The following WLS variants were observed in gnomAD, a reference collection of about 807,000 sequenced individuals.
The protein encoded by WLS is Wnt ligand secretion mediator, also known as protein wntless homolog.
In WLS, 23 loss-of-function variants were observed where a neutral mutation model predicts 62.8. That is an observed-to-expected ratio of 0.37 (90% confidence interval 0.26 to 0.52). The LOEUF (loss-of-function observed/expected upper bound fraction) is 0.52, where lower values mean the gene tolerates loss of function less well. WLS is among the 20% of genes least tolerant of loss of function. The pLI, the probability that WLS is intolerant of heterozygous loss-of-function variation, is 0.92. For missense variants in WLS, 615 were observed against 697.3 expected (o/e 0.88, Z 1.33); for synonymous variants, 246 against 244.1 (o/e 1.01, Z -0.07).
chr1:68,154,289 G>A (rs1416776600), intron 4 of WLS, among the ~76,000 whole-genome samples: 1 of 152,100 alleles, frequency 6.6e-6, no homozygotes, highest in Non-Finnish European at 1.5e-5. Flanking sequence ...TTTTCCCTAT[G>A]CTAAGATTAC....
chr1:68,159,305 AGCTC>A, intron 2 of WLS, 58 bp from the exon 3 acceptor site: 2 of 1,580,634 alleles, frequency 1.3e-6, no homozygotes, highest in Admixed American at 1.9e-5. Context: ...TTTTAGAAAC[AGCTC>A]AAAAAATTCT....
At chr1:68,167,929 A>G (rs1647084839) in intron 2 of WLS, among the ~76,000 whole-genome samples, 5 of 151,602 alleles carry the variant, frequency 3.3e-5, no homozygotes, top group Admixed American at 3.3e-4. Context: ...GGTTACAGAC[A>G]GAAAGATCCA....
At chr1:68,183,428 G>A (rs1647709569) in intron 2 of WLS, 1 of 355,750 alleles carries the variant, frequency 2.8e-6, no homozygotes, top group Non-Finnish European at 6.0e-6. Context: ...CATCATAGCA[G>A]GGATAGTTCT....
At chr1:68,139,347 AT>A (rs1191199779) in intron 10 of WLS, among the ~76,000 whole-genome samples, 7 of 152,196 alleles carry the variant, frequency 4.6e-5, no homozygotes, top group African/African-American at 1.7e-4. Context: ...TAAGTGCAGA[AT>A]ATACTAACTT....
chr1:68,127,206 A>AAAAT, intron 11 of WLS: 1 of 235,292 alleles, frequency 4.3e-6, no homozygotes, highest in Admixed American at 5.4e-5. Flanking sequence ...AAAAAATAAA[A>AAAAT]AAATAAACTA....
chr1:68,231,445 A>G (rs1571051088), intron 1 of WLS: 1 of 236,368 alleles, frequency 4.2e-6, no homozygotes, highest in South Asian at 4.6e-5. Flanking sequence ...GGGAAGGGAT[A>G]TTCACGAGTG....
In WLS at chr1:68,103,501, CTCT is replaced by C. The variant is rs553678078; in HGVS notation, c.1511-4751_1511-4749del. ...AGAAAGACAAAATTATGCAGTTCTT[CTCT>C]TCTTATGGATTCAAGTGGTCAGAGC... On this transcript the variant is annotated intron_variant, in intron 11 of 11. Transcript: ENST00000354777. Among the ~76,000 whole-genome samples the C allele has an allele frequency of 1.2e-4, 19 of 152,300 alleles. No homozygotes were observed. In the East Asian group the frequency reaches 2.9e-3, roughly 23 times the overall value.
At chr1:68,229,961 C>T (rs542169551) in intron 1 of WLS, among the ~76,000 whole-genome samples, 55 of 152,268 alleles carry the variant, frequency 3.6e-4, no homozygotes, top group Non-Finnish European at 6.3e-4. Flanking sequence ...TTGAGGTTGT[C>T]GTCATTAACC....
intron 11 of WLS, among the ~76,000 whole-genome samples, chr1:68,113,499 T>C (rs1310092560): frequency 6.6e-6 from 1 of 152,206 alleles, no homozygotes; most frequent in Non-Finnish European, 1.5e-5. Context: ...TCTGCCCTTA[T>C]GAGCCTCCAC....
chr1:68,170,852 G>A (rs1486516879), intron 2 of WLS, among the ~76,000 whole-genome samples: 1 of 152,074 alleles, frequency 6.6e-6, no homozygotes, highest in Non-Finnish European at 1.5e-5. Flanking sequence ...CTAAAAGCCA[G>A]GGACTGACTC....
chr1:68,119,061 C>G (rs1646332977), intron 11 of WLS, among the ~76,000 whole-genome samples: 1 of 151,900 alleles, frequency 6.6e-6, no homozygotes, highest in Non-Finnish European at 1.5e-5. Context: ...TTGTAATAGT[C>G]AAACTTTGCA....
intron 11 of WLS, among the ~76,000 whole-genome samples, chr1:68,104,456 C>T (rs2100300102): frequency 6.6e-6 from 1 of 152,262 alleles, no homozygotes; most frequent in Admixed American, 6.5e-5. Context: ...TTGAGCTCTA[C>T]AATCAGTGAA....
chr1:68,169,502 C>T lies in WLS; in HGVS notation c.380-10255G>A, dbSNP rs561892852. On this transcript the variant is annotated intron_variant, in intron 2 of 11. Coordinates refer to ENST00000262348, the MANE Select transcript of WLS (RefSeq NM_024911.7). ...ATCTGCTCCTGGGATGCAAGTCACCCTCTCCAGTCCAGATTTCCCTCTTGA... is the reference window on the plus strand; with the variant it reads ...ATCTGCTCCTGGGATGCAAGTCACCTTCTCCAGTCCAGATTTCCCTCTTGA... 2.0e-5 allele frequency among the ~76,000 whole-genome samples: 3 copies of T among 152,306 alleles called. No homozygotes were observed. The East Asian group carries it at 5.8e-4, about 29-fold the overall frequency.
chr1:68,213,451 CAA>C (rs900446226), intron 1 of WLS, among the ~76,000 whole-genome samples: 9 of 51,170 alleles, frequency 1.8e-4, no homozygotes, highest in Non-Finnish European at 2.4e-4. Flanking sequence ...AACTTCATTC[CAA>C]AAAAAAAAAA....
chr1:68,210,794 T>A (rs1432460332), intron 1 of WLS, among the ~76,000 whole-genome samples: 1 of 152,224 alleles, frequency 6.6e-6, no homozygotes, highest in Non-Finnish European at 1.5e-5. Context: ...GAAGAAAATG[T>A]TGTTTAGGTG....
intron 11 of WLS, among the ~76,000 whole-genome samples, chr1:68,129,903 C>T (rs979288872): frequency 2.0e-5 from 3 of 152,196 alleles, no homozygotes; most frequent in African/African-American, 7.2e-5. Flanking sequence ...CTTTAGTTTG[C>T]AGTAAATTTC....
In WLS at chr1:68,103,078, G is replaced by A. The variant is rs933729489; in HGVS notation, c.1511-4325C>T. Among the ~76,000 whole-genome samples, 5 of 152,146 alleles carry A rather than the reference G, an allele frequency of 3.3e-5. No homozygotes were observed. The East Asian group carries it at 9.6e-4, about 29-fold the overall frequency. On this transcript the variant is annotated intron_variant, in intron 11 of 11. Coordinates refer to the WLS transcript ENST00000354777. ...TGGACCGGAACCTGCACGTAGGTCT[G>A]CTGCCTCCCTGCCTAGCGCTCTTTC...
intron 1 of WLS, among the ~76,000 whole-genome samples, chr1:68,223,252 GTTC>G (rs1484151410): frequency 1.3e-5 from 2 of 152,168 alleles, no homozygotes; most frequent in Non-Finnish European, 2.9e-5. Context: ...TTGGACTTGT[GTTC>G]TTATTTGTTA....
Position 68,194,068 on chromosome 1 carries a change from T to A in WLS, c.266A>T (p.Asp89Val). 6.2e-7 allele frequency: 1 copy of A among 1,614,180 alleles called. No individual in the cohort carries two copies. The highest frequency in any genetic ancestry group is 8.5e-7 in the Non-Finnish European group (1 of 1,180,028). The change falls in exon 2 of 12, where the codon GAC (aspartate) becomes GTC (valine). Residue 89 changes from aspartate to valine, a missense_variant. Physicochemically the swap from Asp to Val is radical, Grantham distance 152. Transcript: ENST00000262348. ...EAIPREIEAN[D>V]IVFSVHIPLP... The stretch of plus-strand genomic sequence containing the variant: ...GGGAATGTGAACAGAAAACACGATG[T>A]CATTGGCTTCAATTTCCCTTGGAAT...
Sources: allele counts gnomAD v4.1 joint callset (sites outside exome capture counted in the v4.1 genomes callset), GRCh38; gene constraint gnomAD v4.1.1; transcripts MANE v1.5; gene names NCBI Gene and HGNC (gene_info 2026-07-23, HGNC 2026-07-21).